The following COL18A1 variants were observed in gnomAD, a reference collection of about 807,000 sequenced individuals.
COL18A1 encodes the protein collagen type XVIII alpha 1 chain.
A neutral mutation model predicts 168.0 loss-of-function variants in COL18A1; 133 were observed. The ratio of observed to expected loss-of-function variants is 0.79; its 90% CI spans 0.69 to 0.91. The LOEUF (loss-of-function observed/expected upper bound fraction) is 0.91. Among genes scored for constraint, COL18A1 ranks in the 40% least tolerant of loss-of-function variants. COL18A1 has a pLI of 0.00. For missense variants in COL18A1, 2,126 were observed against 1,925.4 expected (o/e 1.10, Z -1.95); for synonymous variants, 949 against 809.0 (o/e 1.17, Z -2.94).
At chr21:45,510,952 A>C (rs866641293) in intron 40 of COL18A1, among the ~76,000 whole-genome samples, 159 bp from the exon 41 acceptor site, 1 of 5,180 alleles carries the variant, frequency 1.9e-4, no homozygotes, top group East Asian at 9.4e-3. Context: ...CACACCCACA[A>C]CACCCCACAT....
At chr21:45,442,245 G>A (rs1479704888) in intron 2 of COL18A1, among the ~76,000 whole-genome samples, 3 of 152,218 alleles carry the variant, frequency 2.0e-5, no homozygotes, top group East Asian at 1.9e-4. Flanking sequence ...AACCCTGCCC[G>A]TTCTGTGCCC....
intron 33 of COL18A1, 139 bp from the exon 34 acceptor site, chr21:45,504,277 C>G: frequency 2.1e-6 from 2 of 937,224 alleles, no homozygotes; most frequent in Non-Finnish European, 3.3e-6. Context: ...GGAGTCGAGC[C>G]CTATTCTATG....
intron 15 of COL18A1, among the ~76,000 whole-genome samples, chr21:45,486,280 G>GGAGGTAACGAGGGTGCC (rs1479834987): frequency 6.7e-6 from 1 of 148,748 alleles, no homozygotes; most frequent in East Asian, 2.0e-4. Context: ...AGCCAGGGCT[G>GGAGGTAACGAGGGTGCC]GTCCCAGGGT....
At chr21:45,506,114 T>C in intron 37 of COL18A1, 148 bp downstream of exon 37, 1 of 1,245,174 alleles carries the variant, frequency 8.0e-7, no homozygotes, top group Non-Finnish European at 1.1e-6. Flanking sequence ...TTTGGTAAAG[T>C]TTAGTAAAAT....
At chr21:45,489,825 C>T (rs1237163151) in intron 19 of COL18A1, among the ~76,000 whole-genome samples, 1 of 147,452 alleles carries the variant, frequency 6.8e-6, no homozygotes, top group African/African-American at 2.5e-5. Context: ...CCTCCTTTTC[C>T]CCGACTTCCC....
chr21:45,449,412 C>T (rs1360861076), intron 2 of COL18A1, among the ~76,000 whole-genome samples: 1 of 152,180 alleles, frequency 6.6e-6, no homozygotes, highest in Non-Finnish European at 1.5e-5. Context: ...TCATAGTCCC[C>T]AGGCTCTGCC....
chr21:45,468,998 G>A (rs2035317252), intron 3 of COL18A1, among the ~76,000 whole-genome samples: 2 of 152,234 alleles, frequency 1.3e-5, no homozygotes, highest in African/African-American at 4.8e-5. Flanking sequence ...GGCCGGCCTG[G>A]CTGGGGTGGC....
intron 7 of COL18A1, 99 bp from the exon 8 acceptor site, chr21:45,477,651 A>G: frequency 7.5e-7 from 1 of 1,341,934 alleles, no homozygotes; most frequent in Non-Finnish European, 1.0e-6. Context: ...CACTGTGGGA[A>G]GCAGCCCAGC....
At chr21:45,497,022 A>C (rs2036566218) in intron 30 of COL18A1, 28 bp from the exon 31 acceptor site, 1 of 1,580,706 alleles carries the variant, frequency 6.3e-7, no homozygotes. Flanking sequence ...CATCGCCCTC[A>C]GCAGCCGCCT....
rs377620137 is a variant in COL18A1, at chr21:45,509,422, C to T, written c.3316C>T (p.Arg1106Trp). ...GCACGACAGCAACCCCTACCCGCGG[C>T]GGGAGCACCCCCACCCCACCGCGCG... ...QLHDSNPYPR[R>W]EHPHPTARPW... Residue 1106 changes from arginine (R) to tryptophan (W), a missense_variant, in exon 39 of 42, where the codon CGG (arginine) becomes TGG (tryptophan). Transcript: ENST00000651438. The T allele has an allele frequency of 2.6e-4, 399 of 1,537,396 alleles. No individual in the cohort carries two copies. In the African/African-American group the frequency reaches 4.6e-3, roughly 18 times the overall value.
chr21:45,460,380 T>C (rs2035001496), intron 2 of COL18A1, among the ~76,000 whole-genome samples: 1 of 152,118 alleles, frequency 6.6e-6, no homozygotes, highest in Non-Finnish European at 1.5e-5. Context: ...AAGTCGCTCA[T>C]CTCAAATGCA....
chr21:45,494,323 A>G, intron 26 of COL18A1: 1 of 638,508 alleles, frequency 1.6e-6, no homozygotes, highest in Non-Finnish European at 2.8e-6. Context: ...GCAAACCCCA[A>G]ACCCGACCCT....
Position 45,511,139 on chromosome 21 carries a change from C to G in COL18A1, c.3722C>G (p.Ala1241Gly). The change falls in exon 41 of 42, where the codon GCT (alanine) becomes GGT (glycine). Residue 1241 changes from alanine (A) to glycine (G), a missense_variant. Ala to Gly is a moderately conservative substitution (Grantham distance 60). Transcript: ENST00000651438. ...GAGCTGCTGTTTCCCAGCTGGGAGG[C>G]TCTGTTCTCAGGCTCTGAGGGTCCG... ...KDELLFPSWE[A>G]LFSGSEGPLK... The G allele has an allele frequency of 1.3e-6, 2 of 1,591,782 alleles. No homozygotes were observed. Among genetic ancestry groups the G allele is most frequent in the Non-Finnish European group, 1.7e-6 (2 of 1,169,008 alleles).
chr21:45,494,634 C>T lies in COL18A1; in HGVS notation c.2379+63C>T, dbSNP rs908214478. On this transcript the variant is annotated intron_variant, in intron 27 of 41. Coordinates refer to ENST00000651438, the MANE Select transcript of COL18A1 (RefSeq NM_001379500.1). ...GCATGACGGCCCCCAAGGACACGGT[C>T]GCCCGCGGCTGCTGAGCTTGTGCTG... The T allele has an allele frequency of 1.3e-5, 21 of 1,607,190 alleles. No homozygotes were observed. In the East Asian group the frequency reaches 1.3e-4, roughly 10 times the overall value.
At chr21:45,479,521 C>T (rs983629424) in intron 9 of COL18A1, among the ~76,000 whole-genome samples, 5 of 152,002 alleles carry the variant, frequency 3.3e-5, no homozygotes, top group Non-Finnish European at 5.9e-5. Context: ...GGATTATGCA[C>T]ACCATACATG....
In COL18A1 at chr21:45,411,778, A is replaced by AGGGGGGGGGGGGGG. The variant is rs1569273645; in HGVS notation, c.106+6307_106+6308insGGGGGGGGGGGGGG. On this transcript the variant is annotated intron_variant, in intron 2 of 41. Transcript: ENST00000651438. ...TGATGGCGGGGGGTGGGGGGGGGGC[A>AGGGGGGGGGGGGGG]GGCTGTGGTCAGGGACCTGCAGGAG... 3.8e-4 allele frequency among the ~76,000 whole-genome samples: 41 copies of AGGGGGGGGGGGGGG among 108,308 alleles called. 2 individuals are homozygous for AGGGGGGGGGGGGGG. The highest frequency in any genetic ancestry group is 2.3e-3 in the East Asian group (3 of 1,290). The allele number at this position is 108,308 out of a possible 152,430, so 71.1% of individuals were successfully genotyped here.
chr21:45,489,721 C>T (rs1382382080), intron 19 of COL18A1, among the ~76,000 whole-genome samples, 200 bp downstream of exon 19: 1 of 152,050 alleles, frequency 6.6e-6, no homozygotes. Flanking sequence ...AGGGCACCCC[C>T]AGGTTTGACT....
Position 45,492,534 on chromosome 21 carries a change from G to T in COL18A1, c.2158-1G>T, listed in dbSNP as rs1206240023. ...CGATTTTTCCTTTTGCTCGTGGACA[G>T]GGATCCGTCCTGAGCGTGCCGGGAC... On this transcript the variant is annotated splice_acceptor_variant, in intron 22 of 41. Transcript: ENST00000651438. LOFTEE classifies it high-confidence loss of function. 1 of 1,613,392 alleles carries T rather than the reference G, an allele frequency of 6.2e-7. No individual in the cohort carries two copies. Among genetic ancestry groups the T allele is most frequent in the South Asian group, 1.1e-5 (1 of 91,084 alleles).
At chr21:45,434,309 C>T (rs2034042564) in intron 2 of COL18A1, among the ~76,000 whole-genome samples, 1 of 152,122 alleles carries the variant, frequency 6.6e-6, no homozygotes, top group African/African-American at 2.4e-5. Flanking sequence ...GGACAGGCGG[C>T]CCGTGCTGGG....
Sources: allele counts gnomAD v4.1 joint callset (sites outside exome capture counted in the v4.1 genomes callset), GRCh38; gene constraint gnomAD v4.1.1; transcripts MANE v1.5; gene names NCBI Gene and HGNC (gene_info 2026-07-23, HGNC 2026-07-21).